ZNRF1: variants seen among roughly 807,000 people sequenced by gnomAD.
ZNRF1 encodes the protein zinc and ring finger 1.
Under a neutral mutation model 18.4 loss-of-function variants are expected in ZNRF1, and 3 were observed. The observed-to-expected ratio is 0.16, with a 90% CI of 0.07 to 0.42. ZNRF1 has a LOEUF of 0.42. Among genes scored for constraint, ZNRF1 ranks in the 10% least tolerant of loss-of-function variants. The pLI is 0.99. For missense variants in ZNRF1, 310 were observed against 329.8 expected (o/e 0.94, Z 0.47); for synonymous variants, 157 against 144.2 (o/e 1.09, Z -0.64).
At chr16:75,009,707 C>G (rs1361336382) in intron 1 of ZNRF1, among the ~76,000 whole-genome samples, 1 of 152,070 alleles carries the variant, frequency 6.6e-6, no homozygotes, top group East Asian at 1.9e-4. Flanking sequence ...TTTGAGGAAC[C>G]ACCATACTGT....
intron 1 of ZNRF1, among the ~76,000 whole-genome samples, chr16:75,019,420 AT>A (rs963543186): frequency 1.3e-5 from 2 of 152,046 alleles, no homozygotes; most frequent in East Asian, 3.9e-4. Context: ...GTATTTTCAA[AT>A]TTTTTTTAAG....
chr16:75,072,373 C>G (rs1369196142), intron 1 of ZNRF1, among the ~76,000 whole-genome samples: 1 of 152,124 alleles, frequency 6.6e-6, no homozygotes, highest in African/African-American at 2.4e-5. Context: ...CAGTGCAGGC[C>G]CCACTCCTAG....
chr16:75,089,493 A>T (rs1410831756), intron 1 of ZNRF1, among the ~76,000 whole-genome samples: 5 of 152,196 alleles, frequency 3.3e-5, no homozygotes, highest in Non-Finnish European at 5.9e-5. Flanking sequence ...GCTTTAGTTA[A>T]AGTGTAGGCC....
At chr16:75,072,086 C>T (rs898879784) in intron 1 of ZNRF1, among the ~76,000 whole-genome samples, 2 of 152,192 alleles carry the variant, frequency 1.3e-5, no homozygotes, top group Non-Finnish European at 2.9e-5. Flanking sequence ...CTACAAAGTG[C>T]ATGCCGCCAC....
intron 2 of ZNRF1, among the ~76,000 whole-genome samples, chr16:75,099,463 G>A (rs1455683997): frequency 6.6e-6 from 1 of 151,882 alleles, no homozygotes; most frequent in Non-Finnish European, 1.5e-5. Context: ...ATTCTGGTTT[G>A]GTTCCCTGGT....
chr16:75,102,062 C>CT (rs2036260537), intron 2 of ZNRF1, among the ~76,000 whole-genome samples: 1 of 152,192 alleles, frequency 6.6e-6, no homozygotes, highest in South Asian at 2.1e-4. Context: ...AGTGACTTCT[C>CT]TCGCAACTCA....
intron 2 of ZNRF1, among the ~76,000 whole-genome samples, chr16:75,099,391 AC>A (rs2036231825): frequency 6.6e-6 from 1 of 150,432 alleles, no homozygotes; most frequent in Non-Finnish European, 1.5e-5. Flanking sequence ...ACCGCCTCCC[AC>A]CCCCAGCCCA....
chr16:75,026,568 T>C (rs536029431), intron 1 of ZNRF1, among the ~76,000 whole-genome samples: 2 of 152,208 alleles, frequency 1.3e-5, no homozygotes, highest in Non-Finnish European at 2.9e-5. Flanking sequence ...CTGAGACTTT[T>C]GCTTTCATAG....
intron 1 of ZNRF1, among the ~76,000 whole-genome samples, chr16:75,070,372 G>A (rs1460508282): frequency 6.6e-6 from 1 of 152,166 alleles, no homozygotes; most frequent in Non-Finnish European, 1.5e-5. Flanking sequence ...CATGGCCAAA[G>A]TAATATTTCT....
rs896991369 is a variant in ZNRF1, at chr16:74,999,870, G to T, written c.199G>T (p.Val67Leu). The T allele has an allele frequency of 2.7e-5, 41 of 1,525,006 alleles. No homozygotes were observed. The highest frequency in any genetic ancestry group is 3.5e-5 in the Non-Finnish European group (40 of 1,140,120). The allele number at this position is 1,525,006 out of a possible 1,614,324, so 94.5% of individuals were successfully genotyped here. Reference sequence around the variant, plus strand: ...CATGGACCCCAGCACGGCCGGGGGGGTGCCCTTTGGCCTCTACACCCCCGC... The same window carrying T: ...CATGGACCCCAGCACGGCCGGGGGGTTGCCCTTTGGCCTCTACACCCCCGC... ...MGMDPSTAGG[V>L]PFGLYTPASR... is the part of the protein sequence containing the mutation. The change falls in exon 1 of 5, where the codon GTG becomes TTG. Residue 67 changes from valine to leucine, a missense_variant. Around this residue, in one of 2 missense-constraint regions of ZNRF1, gnomAD observed 293 missense variants for 291.2 expected, o/e 1.01. Transcript: ENST00000335325.
In ZNRF1 at chr16:74,999,862, C is replaced by T. The variant is rs1256888639; in HGVS notation, c.191C>T (p.Ala64Val). The T allele has an allele frequency of 1.7e-5, 26 of 1,516,314 alleles. No homozygotes were observed. Among genetic ancestry groups the T allele is most frequent in the Non-Finnish European group, 2.1e-5 (24 of 1,136,170 alleles). The allele number at this position is 1,516,314 out of a possible 1,614,324, so 93.9% of individuals were successfully genotyped here. A position where few individuals can be genotyped will look rare whatever the true frequency, so the allele number is the denominator to read the frequency against. ...GGCATGGGCATGGACCCCAGCACGG[C>T]CGGGGGGGTGCCCTTTGGCCTCTAC... ...VAGMGMDPSTAGGVPFGLYTP... is the reference protein window; with the variant it reads ...VAGMGMDPSTVGGVPFGLYTP... The change falls in exon 1 of 5, where the codon GCC becomes GTC. Residue 64 changes from alanine to valine, a missense_variant. This residue lies in a region of ZNRF1 where 293 missense variants were observed against 291.2 expected (regional missense o/e 1.01). Transcript: ENST00000335325.
chr16:75,091,014 G>T (rs942741311), intron 1 of ZNRF1, among the ~76,000 whole-genome samples: 2 of 151,968 alleles, frequency 1.3e-5, no homozygotes, highest in Non-Finnish European at 2.9e-5. Context: ...GCCTCCTAAA[G>T]TGCTGGGATT....
intron 2 of ZNRF1, among the ~76,000 whole-genome samples, chr16:75,097,566 G>A (rs1413343918): frequency 6.6e-6 from 1 of 152,180 alleles, no homozygotes; most frequent in Non-Finnish European, 1.5e-5. Context: ...AGTGGCTCAC[G>A]TCTGTAATCC....
chr16:75,092,543 T>C (rs1237773794), intron 1 of ZNRF1, among the ~76,000 whole-genome samples: 4 of 152,250 alleles, frequency 2.6e-5, no homozygotes, highest in African/African-American at 4.8e-5. Flanking sequence ...TTGAAAATCA[T>C]TTCAATGAAA....
intron 4 of ZNRF1, chr16:75,107,087 G>A (rs762794477): frequency 1.8e-5 from 3 of 166,130 alleles, no homozygotes; most frequent in East Asian, 1.7e-4. Flanking sequence ...TTCCCATGCC[G>A]CTTCCAGATG....
chr16:75,008,059 G>A (rs1346832575), intron 1 of ZNRF1, among the ~76,000 whole-genome samples: 1 of 150,132 alleles, frequency 6.7e-6, no homozygotes, highest in African/African-American at 2.5e-5. Context: ...TTCTTTTTTC[G>A]GTAGAGAAGG....
At chr16:75,050,056 T>A (rs757008986) in intron 1 of ZNRF1, among the ~76,000 whole-genome samples, 1 of 152,160 alleles carries the variant, frequency 6.6e-6, no homozygotes, top group African/African-American at 2.4e-5. Flanking sequence ...TTTCATCATT[T>A]CAGTAATGCT....
chr16:75,107,659 G>T lies in ZNRF1; in HGVS notation c.*33-74G>T. The T allele has an allele frequency of 6.6e-6, 3 of 454,928 alleles. 1 individual carries two copies. Among genetic ancestry groups the T allele is most frequent in the South Asian group, 3.1e-5 (2 of 64,496 alleles). 28.2% of individuals were successfully genotyped at this position (454,928 alleles called of 1,614,324 possible). ...GCCCCAGCCCCGCCTGCCCTCTTGG[G>T]ATGCAGCTGCCCTGGGATGAGCAGA... On this transcript the variant is annotated intron_variant, in intron 4 of 4. Coordinates refer to ENST00000335325, the MANE Select transcript of ZNRF1 (RefSeq NM_032268.5).
chr16:75,063,658 T>C (rs1302083939), intron 1 of ZNRF1, among the ~76,000 whole-genome samples: 1 of 152,214 alleles, frequency 6.6e-6, no homozygotes. Context: ...GATGAATTTG[T>C]GAAGTTACTG....
Sources: allele counts gnomAD v4.1 joint callset (sites outside exome capture counted in the v4.1 genomes callset), GRCh38; gene constraint gnomAD v4.1.1; regional missense constraint gnomAD v4.1.1; transcripts MANE v1.5; gene names NCBI Gene and HGNC (gene_info 2026-07-23, HGNC 2026-07-21).